The following SRGAP2 variants were observed in gnomAD, a reference collection of about 807,000 sequenced individuals.
SRGAP2 encodes SLIT-ROBO Rho GTPase-activating protein 2.
A neutral mutation model predicts 57.2 loss-of-function variants in SRGAP2; 15 were observed. That is an observed-to-expected ratio of 0.26 (90% CI 0.18 to 0.40). The LOEUF is 0.40. Among genes scored for constraint, SRGAP2 ranks in the 10% least tolerant of loss-of-function variants. The probability of loss-of-function intolerance (pLI) is 1.00; values close to 1 mark genes in which losing one functional copy is unlikely to be tolerated. For synonymous variants in SRGAP2, 249 were observed against 248.0 expected (o/e 1.00, Z -0.04); for missense variants, 520 against 669.6 (o/e 0.78, Z 2.47).
intron 3 of SRGAP2, among the ~76,000 whole-genome samples, chr1:206,306,708 T>C (rs1672226483): frequency 6.6e-6 from 1 of 152,140 alleles, no homozygotes. Context: ...GTTCTCCACC[T>C]CCCCATCAGA....
chr1:206,414,391 A>C (rs1659495966), intron 10 of SRGAP2, among the ~76,000 whole-genome samples: 2 of 152,176 alleles, frequency 1.3e-5, no homozygotes, highest in South Asian at 4.1e-4. Flanking sequence ...CCATGAAATC[A>C]AAGGTTTGAT....
In SRGAP2 at chr1:206,391,664, AC is replaced by A. The variant is rs1346318370; in HGVS notation, c.487-1024del. ...ACATGCACACACACACCCAACTTCTACTCTCTAATTCTCCATCTCAAAGAAA... is the reference window on the plus strand; with the variant it reads ...ACATGCACACACACACCCAACTTCTATCTCTAATTCTCCATCTCAAAGAAA... On this transcript the variant is annotated intron_variant, in intron 5 of 22. Transcript: ENST00000573034. Among the ~76,000 whole-genome samples the A allele has an allele frequency of 4.8e-5, 7 of 146,802 alleles. No homozygotes were observed. In the East Asian group the frequency reaches 1.4e-3, roughly 29 times the overall value.
chr1:206,369,851 C>T (rs1326096273), intron 4 of SRGAP2, among the ~76,000 whole-genome samples: 1 of 151,902 alleles, frequency 6.6e-6, no homozygotes, highest in Admixed American at 6.5e-5. Context: ...AAAATTCCTC[C>T]AAAACTTAAG....
In SRGAP2 at chr1:206,389,731, G is replaced by A. The variant is rs1656738406; in HGVS notation, c.487-2958G>A. ...CTTTTTTTTCCTATTATTTTAGTGT[G>A]GCTGTCAGAGGGAGCAGAGCTAAAT... On this transcript the variant is annotated intron_variant, in intron 5 of 22. Coordinates refer to ENST00000573034, the MANE Select transcript of SRGAP2 (RefSeq NM_015326.5). 2.0e-5 allele frequency among the ~76,000 whole-genome samples: 3 copies of A among 150,784 alleles called. No individual in the cohort carries two copies. The South Asian group carries it at 6.3e-4, about 32-fold the overall frequency.
chr1:206,269,110 G>T (rs1470040166), intron 2 of SRGAP2, among the ~76,000 whole-genome samples: 9 of 150,186 alleles, frequency 6.0e-5, no homozygotes, highest in African/African-American at 2.0e-4. Flanking sequence ...ACAAAGTGTG[G>T]TGTATTCGTA....
intron 2 of SRGAP2, among the ~76,000 whole-genome samples, chr1:206,289,358 C>T (rs1571769303): frequency 4.0e-5 from 6 of 149,344 alleles, no homozygotes; most frequent in Middle Eastern, 3.4e-3. Context: ...CTGCAAGCTC[C>T]GCCTCCCAGG....
At chr1:206,353,101 A>G (rs527647772) in intron 4 of SRGAP2, among the ~76,000 whole-genome samples, 6 of 152,236 alleles carry the variant, frequency 3.9e-5, no homozygotes, top group Non-Finnish European at 7.4e-5. Context: ...GGTTAAATAT[A>G]ATATCCAGAC....
chr1:206,462,543 G>T lies in SRGAP2; in HGVS notation c.*1123G>T, dbSNP rs1367578257. ...GTTCCCAAATGAAAACTTGTTTTAA[G>T]TCCACCCCTTAGTTTCCTTATTTTA... On this transcript the variant is annotated 3_prime_UTR_variant, in exon 23 of 23. Coordinates refer to ENST00000573034, the MANE Select transcript of SRGAP2 (RefSeq NM_015326.5). The T allele has an allele frequency of 6.6e-6, 1 of 152,466 alleles. No individual in the cohort carries two copies. Among genetic ancestry groups the T allele is most frequent in the Non-Finnish European group, 1.5e-5 (1 of 68,034 alleles). 9.4% of individuals were successfully genotyped at this position (152,466 alleles called of 1,614,324 possible).
chr1:206,216,266 C>G (rs1417957960), intron 2 of SRGAP2, among the ~76,000 whole-genome samples: 1 of 152,040 alleles, frequency 6.6e-6, no homozygotes, highest in East Asian at 1.9e-4. Flanking sequence ...CTTGCTTTGA[C>G]CAAATTTCTT....
chr1:206,461,591 G>A lies in SRGAP2; in HGVS notation c.*171G>A, dbSNP rs532035186. ...CCTTGAGAATGAAGCCCTTGGTATC[G>A]CCTCTCCCTTCCCACTGCCCTCTGC... is the stretch of plus-strand genomic sequence containing the variant. On this transcript the variant is annotated 3_prime_UTR_variant, in exon 23 of 23. Coordinates refer to ENST00000573034, the MANE Select transcript of SRGAP2 (RefSeq NM_015326.5). The A allele has an allele frequency of 2.6e-5, 16 of 612,978 alleles. No homozygotes were observed. The highest frequency in any genetic ancestry group is 1.3e-4 in the East Asian group (5 of 37,448). The allele number at this position is 612,978 out of a possible 1,614,324, so 38.0% of individuals were successfully genotyped here.
intron 17 of SRGAP2, among the ~76,000 whole-genome samples, chr1:206,444,421 G>C (rs1199050315): frequency 6.6e-6 from 1 of 152,166 alleles, no homozygotes; most frequent in Non-Finnish European, 1.5e-5. Flanking sequence ...ACAGAGCTTT[G>C]ACTCAGGACT....
chr1:206,237,192 G>C (rs1380427178), intron 2 of SRGAP2, among the ~76,000 whole-genome samples: 1 of 151,786 alleles, frequency 6.6e-6, no homozygotes, highest in African/African-American at 2.4e-5. Flanking sequence ...AACCCGGGAG[G>C]CAAAGGTTGC....
intron 10 of SRGAP2, among the ~76,000 whole-genome samples, chr1:206,413,720 G>A (rs1449910566): frequency 6.6e-6 from 1 of 152,164 alleles, no homozygotes; most frequent in Non-Finnish European, 1.5e-5. Context: ...TATCAGGGAT[G>A]CAAAGGATAA....
intron 2 of SRGAP2, among the ~76,000 whole-genome samples, chr1:206,262,483 A>G (rs1669620172): frequency 6.6e-6 from 1 of 150,974 alleles, no homozygotes; most frequent in African/African-American, 2.4e-5. Context: ...CAGTAAATCA[A>G]GAGGGCTGCC....
intron 3 of SRGAP2, among the ~76,000 whole-genome samples, chr1:206,312,781 G>C (rs1368874347): frequency 6.6e-6 from 1 of 152,106 alleles, no homozygotes; most frequent in Non-Finnish European, 1.5e-5. Flanking sequence ...CAGTGGTAAA[G>C]TATTATGCGA....
intron 14 of SRGAP2, among the ~76,000 whole-genome samples, chr1:206,434,183 A>T (rs1661523094): frequency 6.6e-6 from 1 of 152,230 alleles, no homozygotes; most frequent in Non-Finnish European, 1.5e-5. Flanking sequence ...TAGACATTAT[A>T]GTCCCCATTA....
chr1:206,249,483 T>C (rs1300316177), intron 2 of SRGAP2, among the ~76,000 whole-genome samples: 1 of 151,692 alleles, frequency 6.6e-6, no homozygotes, highest in African/African-American at 2.4e-5. Flanking sequence ...CTCAGCAAAC[T>C]AACACAGGAA....
intron 10 of SRGAP2, among the ~76,000 whole-genome samples, chr1:206,415,549 G>A (rs782234480): frequency 3.3e-5 from 5 of 152,168 alleles, no homozygotes; most frequent in Non-Finnish European, 5.9e-5. Context: ...CAGATAGCAG[G>A]TGTGTGTCCT....
At chr1:206,225,751 G>T (rs1372983052) in intron 2 of SRGAP2, among the ~76,000 whole-genome samples, 1 of 152,158 alleles carries the variant, frequency 6.6e-6, no homozygotes, top group Non-Finnish European at 1.5e-5. Flanking sequence ...AAGGGGCTTC[G>T]TGTTTGTTTG....
Sources: allele counts gnomAD v4.1 joint callset (sites outside exome capture counted in the v4.1 genomes callset), GRCh38; gene constraint gnomAD v4.1.1; transcripts MANE v1.5; gene names NCBI Gene and HGNC (gene_info 2026-07-23, HGNC 2026-07-21).